CLCN3: variants seen among roughly 807,000 people sequenced by gnomAD.
CLCN3 encodes the protein H(+)/Cl(-) exchange transporter 3.
Under a neutral mutation model 83.4 loss-of-function variants are expected in CLCN3, and 16 were observed. That is an observed-to-expected ratio of 0.19 (90% CI 0.13 to 0.29). The LOEUF is 0.29. Among genes scored for constraint, CLCN3 ranks in the 10% least tolerant of loss-of-function variants. The pLI is 1.00. For missense variants in CLCN3, 544 were observed against 1,006.0 expected, an observed-to-expected ratio of 0.54 and a Z score of 6.21; for synonymous variants, 322 against 346.2, an observed-to-expected ratio of 0.93 and a Z score of 0.78.
intron 2 of CLCN3, among the ~76,000 whole-genome samples, chr4:169,667,503 TAG>T (rs374889088): frequency 9.1e-4 from 139 of 152,214 alleles, no homozygotes; most frequent in African/African-American, 3.0e-3. Context: ...ATCTTCTTAG[TAG>T]AGTTATTTTT....
chr4:169,696,659 G>A lies in CLCN3; in HGVS notation c.1018-530G>A, dbSNP rs570858665. Among the ~76,000 whole-genome samples the A allele has an allele frequency of 2.6e-5, 4 of 152,088 alleles. 1 individual carries two copies. The South Asian group carries it at 8.3e-4, about 32-fold the overall frequency. On this transcript the variant is annotated intron_variant, in intron 8 of 12. Coordinates refer to ENST00000513761, the MANE Select transcript of CLCN3 (RefSeq NM_001829.4). ...ACCAGAACTTATTCCTCCTCTGTAA[G>A]TTCATACCCGTTGACTAATGTCTCC...
intron 12 of CLCN3, among the ~76,000 whole-genome samples, chr4:169,719,230 G>A (rs1387694446): frequency 1.3e-5 from 2 of 152,218 alleles, no homozygotes; most frequent in African/African-American, 4.8e-5. Flanking sequence ...ACTTTGGGAG[G>A]CCGGGACGGG....
intron 2 of CLCN3, among the ~76,000 whole-genome samples, chr4:169,639,570 T>G (rs545639653): frequency 3.5e-4 from 53 of 152,308 alleles, no homozygotes; most frequent in African/African-American, 1.0e-3. Context: ...TGTGAAACAG[T>G]GAATGTCCTT....
chr4:169,687,801 T>A, intron 4 of CLCN3, 44 bp downstream of exon 4: 1 of 1,084,266 alleles, frequency 9.2e-7, no homozygotes, highest in Non-Finnish European at 1.4e-6. Context: ...TTAACAGAAG[T>A]ATAAACTGTT....
At chr4:169,645,183 C>T (rs921965189) in intron 2 of CLCN3, among the ~76,000 whole-genome samples, 23 of 152,086 alleles carry the variant, frequency 1.5e-4, no homozygotes, top group African/African-American at 5.3e-4. Context: ...TGGGGTCTCT[C>T]GACAATTCTT....
chr4:169,630,772 G>A lies in CLCN3; in HGVS notation c.-16-5141G>A, dbSNP rs150109619. On this transcript the variant is annotated intron_variant, in intron 1 of 12. Transcript: ENST00000513761. The stretch of plus-strand genomic sequence containing the variant: ...TTGAACTTCTGACCTCAGGTGATCC[G>A]CCAGCCTTGGCCTCCCAAAGTGCTG... 8.7e-3 allele frequency among the ~76,000 whole-genome samples: 1,321 copies of A among 152,162 alleles called. 21 individuals are homozygous for A. Among genetic ancestry groups the A allele is most frequent in the African/African-American group, 0.03 (1,234 of 41,522 alleles).
intron 4 of CLCN3, among the ~76,000 whole-genome samples, chr4:169,688,347 A>G (rs1732239907): frequency 6.6e-6 from 1 of 152,256 alleles, no homozygotes; most frequent in Non-Finnish European, 1.5e-5. Context: ...ATTTTAAGAA[A>G]GAGCTGTTGA....
intron 3 of CLCN3, among the ~76,000 whole-genome samples, chr4:169,685,780 TATC>T (rs71857675): frequency 0.092 from 13,985 of 152,264 alleles, 671 homozygotes; most frequent in African/African-American, 0.12. Flanking sequence ...GGCTTAATAT[TATC>T]ATGTTTTCTT....
chr4:169,698,526 C>A lies in CLCN3; in HGVS notation c.1563+792C>A, dbSNP rs79415082. On this transcript the variant is annotated intron_variant, in intron 9 of 12. Coordinates refer to ENST00000513761, the MANE Select transcript of CLCN3 (RefSeq NM_001829.4). ...CCCAAGAGGGCTGTTTTTAATGTAG[C>A]CAAAGAAGTCTTGCAGCGTGACTTG... 6.8e-3 allele frequency among the ~76,000 whole-genome samples: 1,038 copies of A among 152,164 alleles called. 13 individuals are homozygous for A. Among genetic ancestry groups the A allele is most frequent in the African/African-American group, 0.023 (960 of 41,486 alleles).
At chr4:169,646,864 G>T (rs943257088) in intron 2 of CLCN3, among the ~76,000 whole-genome samples, 12 of 152,164 alleles carry the variant, frequency 7.9e-5, no homozygotes, top group African/African-American at 2.9e-4. Context: ...TCTAAAAAAT[G>T]AAGGGAAACA....
intron 8 of CLCN3, among the ~76,000 whole-genome samples, chr4:169,696,458 A>C (rs1318192823): frequency 3.9e-5 from 6 of 152,064 alleles, no homozygotes; most frequent in African/African-American, 1.4e-4. Context: ...ATGGGGTATA[A>C]TGTGATGTGT....
chr4:169,624,137 A>G (rs1773172541), intron 1 of CLCN3, among the ~76,000 whole-genome samples: 1 of 152,138 alleles, frequency 6.6e-6, no homozygotes, highest in South Asian at 2.1e-4. Flanking sequence ...ATGGTATAGT[A>G]GTGACTTTTT....
At chr4:169,646,548 G>A (rs1581202683) in intron 2 of CLCN3, among the ~76,000 whole-genome samples, 1 of 151,892 alleles carries the variant, frequency 6.6e-6, no homozygotes, top group African/African-American at 2.4e-5. Flanking sequence ...TGCCCCCCTC[G>A]GCCTTCCAAA....
chr4:169,712,488 A>G (rs1448798320), intron 11 of CLCN3, among the ~76,000 whole-genome samples: 1 of 152,034 alleles, frequency 6.6e-6, no homozygotes, highest in East Asian at 1.9e-4. Flanking sequence ...CAACCCCCCA[A>G]TATCAGTCTG....
chr4:169,676,028 AT>A (rs1457541818), intron 2 of CLCN3, among the ~76,000 whole-genome samples: 6 of 152,206 alleles, frequency 3.9e-5, no homozygotes, highest in Non-Finnish European at 8.8e-5. Flanking sequence ...GCTTTTGACA[AT>A]TGTAATCCCC....
chr4:169,695,457 G>A (rs1420890200), intron 7 of CLCN3, among the ~76,000 whole-genome samples, 155 bp from the exon 8 acceptor site: 2 of 152,120 alleles, frequency 1.3e-5, no homozygotes, highest in East Asian at 3.8e-4. Flanking sequence ...AATCTTAATA[G>A]AAGAAATGAA....
rs115127907 is a variant in CLCN3, at chr4:169,676,569, C to T, written c.161-3481C>T. ...GCCCGGTTGAAATGCAGTGGCACGA[C>T]GACCAACCTGGGCTCAAGCAATTCT... is the stretch of plus-strand genomic sequence containing the variant. On this transcript the variant is annotated intron_variant, in intron 2 of 12. Transcript: ENST00000513761. Among the ~76,000 whole-genome samples, 1,101 of 151,306 alleles carry T rather than the reference C, an allele frequency of 7.3e-3. 10 individuals are homozygous for T. The highest frequency in any genetic ancestry group is 0.025 in the African/African-American group (1,047 of 41,176).
chr4:169,652,119 C>T (rs1730748176), intron 2 of CLCN3, among the ~76,000 whole-genome samples: 1 of 152,120 alleles, frequency 6.6e-6, no homozygotes, highest in Non-Finnish European at 1.5e-5. Flanking sequence ...AAGCAAGCAT[C>T]TTTGTAGCCC....
chr4:169,684,069 G>A (rs1387791617), intron 3 of CLCN3, among the ~76,000 whole-genome samples: 4 of 152,162 alleles, frequency 2.6e-5, no homozygotes, highest in Non-Finnish European at 4.4e-5. Context: ...GCCTTTCTAT[G>A]TCAGTGCATA....
Sources: allele counts gnomAD v4.1 joint callset (sites outside exome capture counted in the v4.1 genomes callset), GRCh38; gene constraint gnomAD v4.1.1; transcripts MANE v1.5; gene names NCBI Gene and HGNC (gene_info 2026-07-23, HGNC 2026-07-21).